Variants in DAB1 observed in about 807,000 individuals in gnomAD.
DAB1 encodes the protein disabled homolog 1.
Under a neutral mutation model 64.6 loss-of-function variants are expected in DAB1, and 15 were observed. The observed-to-expected ratio is 0.23, with a 90% confidence interval of 0.16 to 0.36. The LOEUF (loss-of-function observed/expected upper bound fraction) is 0.36. Among genes scored for constraint, DAB1 ranks in the 10% least tolerant of loss-of-function variants. DAB1 has a pLI of 1.00. For missense variants in DAB1, 596 were observed against 706.7 expected (o/e 0.84, Z 1.78); for synonymous variants, 235 against 251.9 (o/e 0.93, Z 0.64).
rs757375349 is a variant in DAB1, at chr1:57,015,315, G to A, written c.1012C>T (p.Pro338Ser). ...PVAQVMPGAQPIAWGQPGLFP... is the reference protein window; with the variant it reads ...PVAQVMPGAQSIAWGQPGLFP... ...AGACCCGGCTGGCCCCATGCGATGG[G>A]CTGAGCCCCCGGCATCACCTGAGCG... The change falls in exon 12 of 15, where the codon CCC becomes TCC. Residue 338 changes from proline to serine, a missense_variant. By Grantham distance (74) the Pro-to-Ser change is moderately conservative (BLOSUM62 -1). This residue lies in a region of DAB1 where 377 missense variants were observed against 400.4 expected (regional missense o/e 0.94). Coordinates refer to ENST00000371236, the MANE Select transcript of DAB1 (RefSeq NM_001365792.1). The A allele has an allele frequency of 5.6e-6, 9 of 1,614,012 alleles. No individual in the cohort carries two copies. The highest frequency in any genetic ancestry group is 7.6e-6 in the Non-Finnish European group (9 of 1,180,050).
chr1:58,244,148 C>T (rs1034722011), intron 4 of DAB1, among the ~76,000 whole-genome samples: 5 of 152,134 alleles, frequency 3.3e-5, no homozygotes, highest in Admixed American at 1.3e-4. Context: ...AGTTCCTTTC[C>T]ATGGAAATAC....
chr1:57,169,149 C>T (rs524370), intron 2 of DAB1, among the ~76,000 whole-genome samples: 92,280 of 151,544 alleles, frequency 0.61, 29,203 homozygotes, highest in African/African-American at 0.79. Context: ...ACCATAGAAA[C>T]TGATATACAA....
intron 6 of DAB1, among the ~76,000 whole-genome samples, chr1:57,787,990 T>TAA (rs34931879): frequency 3.9e-4 from 58 of 150,548 alleles, no homozygotes; most frequent in Middle Eastern, 3.4e-3. Flanking sequence ...GATTAAATAT[T>TAA]AAAAAAAAAA....
chr1:58,327,988 T>A (rs1662877406), intron 4 of DAB1, among the ~76,000 whole-genome samples: 1 of 152,190 alleles, frequency 6.6e-6, no homozygotes, highest in Non-Finnish European at 1.5e-5. Context: ...CAGCATTCCA[T>A]AGGCCTGTCC....
intron 5 of DAB1, among the ~76,000 whole-genome samples, chr1:58,051,595 T>C (rs888373735): frequency 6.6e-6 from 1 of 152,240 alleles, no homozygotes; most frequent in African/African-American, 2.4e-5. Context: ...ATGGTAATTC[T>C]AGCTCTAGAT....
intron 7 of DAB1, among the ~76,000 whole-genome samples, chr1:57,429,728 C>T (rs1354808599): frequency 6.6e-6 from 1 of 152,120 alleles, no homozygotes; most frequent in African/African-American, 2.4e-5. Context: ...TTCCCAACAC[C>T]ATTTATTGAA....
chr1:57,962,899 T>C (rs1021915421), intron 5 of DAB1, among the ~76,000 whole-genome samples: 13 of 151,366 alleles, frequency 8.6e-5, no homozygotes, highest in African/African-American at 2.9e-4. Context: ...CAAAAAAAAA[T>C]AAAAACCTCA....
intron 3 of DAB1, among the ~76,000 whole-genome samples, chr1:58,498,707 TA>T (rs1167347106): frequency 6.6e-6 from 1 of 152,222 alleles, no homozygotes; most frequent in Non-Finnish European, 1.5e-5. Context: ...GAACTAGTTG[TA>T]ACATATTACA....
At chr1:57,485,653 C>A (rs190469712) in intron 7 of DAB1, among the ~76,000 whole-genome samples, 1 of 152,308 alleles carries the variant, frequency 6.6e-6, no homozygotes, top group East Asian at 1.9e-4. Flanking sequence ...ACATGTGTGA[C>A]TTTAAGCACC....
intron 6 of DAB1, among the ~76,000 whole-genome samples, chr1:57,662,179 CTTTGTTTGTTTGTTTG>C (rs369739263): frequency 1.3e-5 from 2 of 151,666 alleles, no homozygotes; most frequent in African/African-American, 4.9e-5. Flanking sequence ...GAATGTTGTT[CTTTGTTTGTTTGTTTG>C]TTTGTTTGTT....
chr1:57,936,004 G>C (rs996515107), intron 5 of DAB1, among the ~76,000 whole-genome samples: 3 of 152,226 alleles, frequency 2.0e-5, no homozygotes, highest in African/African-American at 7.2e-5. Context: ...CTATCCTGAA[G>C]TGTGACCTTG....
At chr1:57,735,621 T>G (rs921560085) in intron 6 of DAB1, among the ~76,000 whole-genome samples, 16 of 134,270 alleles carry the variant, frequency 1.2e-4, no homozygotes, top group Middle Eastern at 4.1e-3. Context: ...TTTTTTTTTT[T>G]TTTTTTTTTT....
At chr1:57,028,733 A>T (rs1316418113) in intron 9 of DAB1, among the ~76,000 whole-genome samples, 8 of 152,194 alleles carry the variant, frequency 5.3e-5, no homozygotes, top group Non-Finnish European at 1.0e-4. Flanking sequence ...GAGACCAGTG[A>T]CATTTTGCCC....
intron 3 of DAB1, among the ~76,000 whole-genome samples, chr1:57,140,580 G>T (rs1421221783): frequency 6.6e-6 from 1 of 152,130 alleles, no homozygotes; most frequent in African/African-American, 2.4e-5. Context: ...AGAACCAACA[G>T]CTTCCAAACT....
At chr1:57,270,086 C>T (rs1229744981) in intron 2 of DAB1, among the ~76,000 whole-genome samples, 1 of 152,196 alleles carries the variant, frequency 6.6e-6, no homozygotes, top group Non-Finnish European at 1.5e-5. Flanking sequence ...CCCACAAAAG[C>T]TTCTGCCACA....
chr1:57,151,835 A>T (rs773902363), intron 2 of DAB1, among the ~76,000 whole-genome samples: 12 of 112,704 alleles, frequency 1.1e-4, no homozygotes, highest in Non-Finnish European at 1.6e-4. Flanking sequence ...TTTTTTTGAG[A>T]CACAGTCTCG....
intron 6 of DAB1, among the ~76,000 whole-genome samples, chr1:57,784,750 C>T (rs1650260705): frequency 3.3e-5 from 5 of 152,122 alleles, no homozygotes; most frequent in Admixed American, 2.6e-4. Context: ...CATAAAAGTG[C>T]AAGCATCTCC....
intron 6 of DAB1, among the ~76,000 whole-genome samples, chr1:57,656,516 C>T (rs1411493925): frequency 6.6e-6 from 1 of 152,162 alleles, no homozygotes. Flanking sequence ...GGTCTTGGAC[C>T]AGAATGTGAC....
intron 7 of DAB1, among the ~76,000 whole-genome samples, chr1:57,441,755 T>A (rs1225632540): frequency 6.6e-6 from 1 of 152,210 alleles, no homozygotes; most frequent in Non-Finnish European, 1.5e-5. Context: ...AGCATATGAG[T>A]GCAGGTGTCT....
Sources: allele counts gnomAD v4.1 joint callset (sites outside exome capture counted in the v4.1 genomes callset), GRCh38; gene constraint gnomAD v4.1.1; regional missense constraint gnomAD v4.1.1; transcripts MANE v1.5; gene names NCBI Gene and HGNC (gene_info 2026-07-23, HGNC 2026-07-21).